ZNF804A: variants seen among roughly 807,000 people sequenced by gnomAD.
ZNF804A encodes zinc finger protein 804A.
A neutral mutation model predicts 16.5 loss-of-function variants in ZNF804A; 2 were observed. That is an observed-to-expected ratio of 0.12 (90% confidence interval 0.05 to 0.38). The LOEUF is 0.38. Among genes scored for constraint, ZNF804A ranks in the 10% least tolerant of loss-of-function variants. The pLI is 0.99. For synonymous variants in ZNF804A, 534 were observed against 489.6 expected (o/e 1.09, Z -1.20); for missense variants, 1,473 against 1,390.7 (o/e 1.06, Z -0.94).
intron 1 of ZNF804A, among the ~76,000 whole-genome samples, chr2:184,737,850 G>T (rs1693652328): frequency 6.6e-6 from 1 of 152,202 alleles, no homozygotes; most frequent in South Asian, 2.1e-4. Context: ...CTGTCCAGGC[G>T]CAGTGGCTTA....
At chr2:184,917,670 G>GGT (rs369876378) in intron 2 of ZNF804A, among the ~76,000 whole-genome samples, 56 of 150,910 alleles carry the variant, frequency 3.7e-4, no homozygotes, top group African/African-American at 1.1e-3. Context: ...AACTATCATA[G>GGT]GTGTGTGTGT....
At chr2:184,793,991 C>T (rs745576403) in intron 1 of ZNF804A, among the ~76,000 whole-genome samples, 4 of 152,034 alleles carry the variant, frequency 2.6e-5, no homozygotes, top group Non-Finnish European at 4.4e-5. Flanking sequence ...TTTGGGCTGG[C>T]TCCACATTTT....
intron 1 of ZNF804A, among the ~76,000 whole-genome samples, chr2:184,758,334 A>G (rs768302861): frequency 1.3e-5 from 2 of 151,886 alleles, no homozygotes; most frequent in Non-Finnish European, 2.9e-5. Flanking sequence ...ATATACAATT[A>G]GTTTATGAAA....
intron 2 of ZNF804A, among the ~76,000 whole-genome samples, chr2:184,892,649 A>C (rs890512059): frequency 1.3e-5 from 2 of 151,794 alleles, no homozygotes; most frequent in Non-Finnish European, 2.9e-5. Flanking sequence ...ATGCCCGGCT[A>C]ATTTTTGTAT....
intron 1 of ZNF804A, among the ~76,000 whole-genome samples, chr2:184,603,281 T>C (rs1489640716): frequency 6.6e-6 from 1 of 152,200 alleles, no homozygotes; most frequent in African/African-American, 2.4e-5. Context: ...TGGGCTGCTC[T>C]TGCTCATTTT....
chr2:184,909,111 G>T (rs1363250904), intron 2 of ZNF804A, among the ~76,000 whole-genome samples: 1 of 151,978 alleles, frequency 6.6e-6, no homozygotes, highest in Non-Finnish European at 1.5e-5. Flanking sequence ...TTTTCACTAG[G>T]CCTTTTTAGA....
intron 1 of ZNF804A, among the ~76,000 whole-genome samples, chr2:184,757,424 C>A (rs1693975343): frequency 6.6e-6 from 1 of 151,886 alleles, no homozygotes; most frequent in Non-Finnish European, 1.5e-5. Flanking sequence ...GCAACTATCT[C>A]CACATTAATC....
At chr2:184,763,404 T>G (rs1221600325) in intron 1 of ZNF804A, among the ~76,000 whole-genome samples, 2 of 152,100 alleles carry the variant, frequency 1.3e-5, no homozygotes, top group Admixed American at 6.6e-5. Flanking sequence ...TGGAGTATTT[T>G]TCTAATATTG....
At chr2:184,821,655 T>C (rs1305676352) in intron 1 of ZNF804A, among the ~76,000 whole-genome samples, 2 of 152,038 alleles carry the variant, frequency 1.3e-5, no homozygotes, top group Non-Finnish European at 2.9e-5. Flanking sequence ...ACTTTTGCAA[T>C]CTATCCATCT....
chr2:184,847,316 T>C (rs1025461057), intron 1 of ZNF804A, among the ~76,000 whole-genome samples: 1 of 152,104 alleles, frequency 6.6e-6, no homozygotes, highest in African/African-American at 2.4e-5. Context: ...TGCGTGTTTT[T>C]AGTAAAATTC....
chr2:184,657,750 A>G (rs1196836381), intron 1 of ZNF804A, among the ~76,000 whole-genome samples: 2 of 152,174 alleles, frequency 1.3e-5, no homozygotes, highest in Non-Finnish European at 2.9e-5. Flanking sequence ...TTGCCTGAAT[A>G]CTTATCTAAT....
chr2:184,844,061 G>C (rs1695477564), intron 1 of ZNF804A, among the ~76,000 whole-genome samples: 1 of 151,676 alleles, frequency 6.6e-6, no homozygotes. Flanking sequence ...ACTCTTTAGT[G>C]GTTGATTTAG....
chr2:184,910,407 CT>C (rs1225593579), intron 2 of ZNF804A, among the ~76,000 whole-genome samples: 2 of 152,002 alleles, frequency 1.3e-5, no homozygotes, highest in Non-Finnish European at 2.9e-5. Context: ...CACATCTTTG[CT>C]ATTGTGAATA....
chr2:184,828,627 T>C (rs1695210058), intron 1 of ZNF804A, among the ~76,000 whole-genome samples: 1 of 151,900 alleles, frequency 6.6e-6, no homozygotes, highest in Non-Finnish European at 1.5e-5. Flanking sequence ...TTTTAGGTAC[T>C]GTATTTCAAT....
intron 2 of ZNF804A, among the ~76,000 whole-genome samples, chr2:184,918,886 C>T (rs927272116): frequency 6.6e-6 from 1 of 152,046 alleles, no homozygotes; most frequent in Non-Finnish European, 1.5e-5. Context: ...GTGTAAAGTG[C>T]CTGTTTCAAC....
At chr2:184,706,182 A>G (rs983222755) in intron 1 of ZNF804A, among the ~76,000 whole-genome samples, 4 of 152,148 alleles carry the variant, frequency 2.6e-5, no homozygotes, top group Non-Finnish European at 4.4e-5. Flanking sequence ...ACAGCCCATG[A>G]GTTGGTATAT....
intron 1 of ZNF804A, among the ~76,000 whole-genome samples, chr2:184,692,479 A>G (rs1295068979): frequency 6.6e-6 from 1 of 152,240 alleles, no homozygotes; most frequent in African/African-American, 2.4e-5. Context: ...GCAGTGCATT[A>G]AAAATAATAA....
intron 1 of ZNF804A, among the ~76,000 whole-genome samples, chr2:184,637,943 T>A (rs1033040049): frequency 6.6e-6 from 1 of 152,164 alleles, no homozygotes; most frequent in African/African-American, 2.4e-5. Flanking sequence ...AACTGGAGAA[T>A]GGTGTTTTCC....
At chr2:184,928,835 C>T (rs1251147986) in intron 2 of ZNF804A, among the ~76,000 whole-genome samples, 1 of 152,116 alleles carries the variant, frequency 6.6e-6, no homozygotes, top group African/African-American at 2.4e-5. Context: ...TTCAACATAA[C>T]GTCTCACAGT....
Sources: allele counts gnomAD v4.1 joint callset (sites outside exome capture counted in the v4.1 genomes callset), GRCh38; gene constraint gnomAD v4.1.1; transcripts MANE v1.5; gene names NCBI Gene and HGNC (gene_info 2026-07-23, HGNC 2026-07-21).